CPT1A: variants seen among roughly 807,000 people sequenced by gnomAD.
The protein encoded by CPT1A is carnitine palmitoyltransferase 1A.
In CPT1A, 64 loss-of-function variants were observed where a neutral mutation model predicts 100.8. The observed-to-expected ratio is 0.63, with a 90% CI of 0.52 to 0.78. The LOEUF is 0.78. Ranked by LOEUF, CPT1A falls within the 30% of genes least tolerant of loss-of-function variation. CPT1A has a pLI of 0.00. For synonymous variants in CPT1A, 363 were observed against 396.0 expected, an observed-to-expected ratio of 0.92 and a Z score of 0.99; for missense variants, 802 against 1,034.1, an observed-to-expected ratio of 0.78 and a Z score of 3.08.
rs751221087 is a variant in CPT1A, at chr11:68,759,670, C to T, written c.2143-9G>A. 6.3e-7 allele frequency: 1 copy of T among 1,598,000 alleles called. No individual in the cohort carries two copies. The highest frequency in any genetic ancestry group is 8.6e-7 in the Non-Finnish European group (1 of 1,165,490). On this transcript the variant is annotated splice_polypyrimidine_tract_variant and intron_variant, in intron 17 of 18. Coordinates refer to ENST00000265641, the MANE Select transcript of CPT1A (RefSeq NM_001876.4). ...TAGCCGTCATCAGCAACCTGGAGGA[C>T]AAGGGAATTTGAATTTGTTGCTGGG...
chr11:68,783,245 G>GA (rs1445023982), intron 10 of CPT1A, among the ~76,000 whole-genome samples: 1 of 151,958 alleles, frequency 6.6e-6, no homozygotes, highest in African/African-American at 2.4e-5. Context: ...CCAACCAGAA[G>GA]AATCTCCCAC....
At chr11:68,839,012 AGATTCTCTCCAACAC>A (rs879642617) in intron 1 of CPT1A, among the ~76,000 whole-genome samples, 16 of 152,236 alleles carry the variant, frequency 1.1e-4, no homozygotes, top group Non-Finnish European at 1.8e-4. Context: ...GATTCTCGAG[AGATTCTCTCCAACAC>A]ACTTTAAACA....
At chr11:68,802,074 T>C (rs1855916699) in intron 5 of CPT1A, among the ~76,000 whole-genome samples, 1 of 152,004 alleles carries the variant, frequency 6.6e-6, no homozygotes, top group Non-Finnish European at 1.5e-5. Context: ...GGCAAATCCA[T>C]ACAGACAGAC....
At chr11:68,819,774 C>T (rs999352566) in intron 1 of CPT1A, among the ~76,000 whole-genome samples, 2 of 152,126 alleles carry the variant, frequency 1.3e-5, no homozygotes, top group Non-Finnish European at 2.9e-5. Context: ...CTAAATGCCC[C>T]TAAGGTGCAC....
intron 16 of CPT1A, among the ~76,000 whole-genome samples, chr11:68,761,266 C>T (rs1257289611): frequency 6.7e-6 from 1 of 149,332 alleles, no homozygotes. Flanking sequence ...CTCATCACTC[C>T]CTAGTTACTT....
rs1256632784 is a variant in CPT1A, at chr11:68,755,905, G to A, written c.*1739C>T. ...GAGGCAGGTGGATCACCTGAGGTCA[G>A]GAGTTCGAGACCAGCCTGACCAATA... On this transcript the variant is annotated 3_prime_UTR_variant, in exon 19 of 19. Transcript: ENST00000265641. 1 of 150,846 alleles carries A rather than the reference G, an allele frequency of 6.6e-6. No homozygotes were observed. Among genetic ancestry groups the A allele is most frequent in the Non-Finnish European group, 1.5e-5 (1 of 67,710 alleles). 9.3% of individuals were successfully genotyped at this position (150,846 alleles called of 1,614,324 possible).
At chr11:68,832,482 A>T (rs568078768) in intron 1 of CPT1A, among the ~76,000 whole-genome samples, 1 of 152,180 alleles carries the variant, frequency 6.6e-6, no homozygotes, top group South Asian at 2.1e-4. Flanking sequence ...AAACAAACAA[A>T]AACCCAGGTC....
At position 68,760,352 on chromosome 11, in the gene CPT1A, CAG is replaced by C. The variant is rs1423673090; in HGVS notation, c.2029-16_2029-15del. On this transcript the variant is annotated splice_polypyrimidine_tract_variant and intron_variant, in intron 16 of 18. Coordinates refer to ENST00000265641, the MANE Select transcript of CPT1A (RefSeq NM_001876.4). The stretch of plus-strand genomic sequence containing the variant: ...CTCAGATAAAACCTATTGAGTGAAA[CAG>C]GGAAATGTTTCCTAATCCCCTCCTC... The C allele has an allele frequency of 1.3e-6, 2 of 1,595,804 alleles. No homozygotes were observed. Among genetic ancestry groups the C allele is most frequent in the Non-Finnish European group, 1.7e-6 (2 of 1,168,228 alleles).
At chr11:68,764,660 A>G (rs956992540) in intron 14 of CPT1A, among the ~76,000 whole-genome samples, 2 of 152,240 alleles carry the variant, frequency 1.3e-5, no homozygotes, top group Admixed American at 1.3e-4. Context: ...CTCACAGTGC[A>G]GCCAAGATCT....
chr11:68,799,530 C>T (rs1385484466), intron 5 of CPT1A, among the ~76,000 whole-genome samples, 175 bp from the exon 6 acceptor site: 1 of 152,112 alleles, frequency 6.6e-6, no homozygotes, highest in East Asian at 1.9e-4. Flanking sequence ...CAGTGGATTG[C>T]TTGAGCTCAG....
intron 9 of CPT1A, among the ~76,000 whole-genome samples, chr11:68,789,584 T>C (rs1383191590): frequency 6.6e-6 from 1 of 152,158 alleles, no homozygotes; most frequent in African/African-American, 2.4e-5. Context: ...TTTCTTTTAG[T>C]AGAGGTGGGG....
intron 13 of CPT1A, among the ~76,000 whole-genome samples, chr11:68,774,157 C>G (rs1408680349): frequency 6.6e-6 from 1 of 152,232 alleles, no homozygotes; most frequent in Non-Finnish European, 1.5e-5. Context: ...TCCAAATGTA[C>G]TTTCCTTCCT....
chr11:68,810,571 C>T (rs189519476), intron 3 of CPT1A, among the ~76,000 whole-genome samples: 3 of 152,284 alleles, frequency 2.0e-5, no homozygotes, highest in Admixed American at 2.0e-4. Flanking sequence ...GGAGAAGGAA[C>T]AGGATGTGGA....
rs2153994797 is a variant in CPT1A, at chr11:68,760,308, T to A, written c.2059A>T (p.Ser687Cys). The A allele has an allele frequency of 6.2e-7, 1 of 1,612,664 alleles. No homozygotes were observed. Among genetic ancestry groups the A allele is most frequent in the African/African-American group, 1.3e-5 (1 of 75,056 alleles). ...VLSEPWRLST[S>C]QTPQQQVELF... is the part of the protein sequence containing the mutation. ...TCCACTTGCTGCTGAGGGGTCTGGC[T>A]TGTTGATAATCTCCAAGGCTCAGAT... Residue 687 changes from serine (S) to cysteine (C), a missense_variant, in exon 17 of 19, where the codon AGC becomes TGC. This residue lies in a region of CPT1A where 627 missense variants were observed against 799.3 expected (regional missense o/e 0.78). Transcript: ENST00000265641.
chr11:68,830,194 C>T (rs1280559579), intron 1 of CPT1A, among the ~76,000 whole-genome samples: 1 of 152,166 alleles, frequency 6.6e-6, no homozygotes, highest in Non-Finnish European at 1.5e-5. Context: ...GGGAAGATTT[C>T]TTGTGTCTGG....
chr11:68,799,462 T>C, intron 5 of CPT1A, 107 bp from the exon 6 acceptor site: 4 of 1,289,902 alleles, frequency 3.1e-6, no homozygotes, highest in Non-Finnish European at 4.4e-6. Flanking sequence ...ATTGAAAAGG[T>C]TTTAGGCTGG....
At position 68,757,526 on chromosome 11, in the gene CPT1A, A is replaced by C; in HGVS notation, c.*118T>G. 1 of 1,553,250 alleles carries C rather than the reference A, an allele frequency of 6.4e-7. No individual in the cohort carries two copies. Among genetic ancestry groups the C allele is most frequent in the South Asian group, 1.2e-5 (1 of 84,542 alleles). On this transcript the variant is annotated 3_prime_UTR_variant, in exon 19 of 19. Coordinates refer to ENST00000265641, the MANE Select transcript of CPT1A (RefSeq NM_001876.4). ...AAAAACACCCACATTTTCTGGAAGG[A>C]AAACTGAGTTTTTTTAAGAGCAGTG...
intron 17 of CPT1A, 90 bp downstream of exon 17, chr11:68,760,135 G>A (rs1946775077): frequency 4.5e-6 from 4 of 897,666 alleles, no homozygotes; most frequent in Admixed American, 4.0e-5. Context: ...AGGTAACGGG[G>A]GCACCCAGCA....
chr11:68,794,698 C>T, intron 8 of CPT1A, 106 bp downstream of exon 8: 2 of 1,005,988 alleles, frequency 2.0e-6, no homozygotes, highest in Non-Finnish European at 3.1e-6. Context: ...GGCGTGAGAC[C>T]CTGTGCCCGG....
Sources: allele counts gnomAD v4.1 joint callset (sites outside exome capture counted in the v4.1 genomes callset), GRCh38; gene constraint gnomAD v4.1.1; regional missense constraint gnomAD v4.1.1; transcripts MANE v1.5; gene names NCBI Gene and HGNC (gene_info 2026-07-23, HGNC 2026-07-21).